MTUS2: variants seen among roughly 807,000 people sequenced by gnomAD.
The protein encoded by MTUS2 is microtubule associated scaffold protein 2.
Under a neutral mutation model 114.1 loss-of-function variants are expected in MTUS2, and 40 were observed. The observed-to-expected ratio is 0.35, with a 90% CI of 0.27 to 0.46. MTUS2 has a LOEUF of 0.46. Ranked by LOEUF, MTUS2 falls within the 20% of genes least tolerant of loss-of-function variation. The pLI is 1.00. For synonymous variants in MTUS2, 688 were observed against 672.0 expected (o/e 1.02, Z -0.37); for missense variants, 1,679 against 1,705.4 (o/e 0.98, Z 0.27).
chr13:29,485,103 G>A (rs1024282593), intron 10 of MTUS2: 2 of 152,826 alleles, frequency 1.3e-5, no homozygotes, highest in Non-Finnish European at 2.9e-5. Flanking sequence ...CTAAATGGAA[G>A]AGAAGGATGC....
intron 10 of MTUS2, among the ~76,000 whole-genome samples, chr13:29,483,707 A>G (rs1311491566): frequency 6.6e-6 from 1 of 152,178 alleles, no homozygotes; most frequent in African/African-American, 2.4e-5. Flanking sequence ...AGTGAGTTTA[A>G]AGACAAGGTA....
intron 8 of MTUS2, among the ~76,000 whole-genome samples, chr13:29,373,484 T>A (rs1871349264): frequency 6.6e-6 from 1 of 152,096 alleles, no homozygotes; most frequent in Admixed American, 6.6e-5. Context: ...CGTGGGAAAA[T>A]GACCCCTTAA....
At chr13:29,155,713 C>T (rs1168535698) in intron 5 of MTUS2, among the ~76,000 whole-genome samples, 1 of 151,974 alleles carries the variant, frequency 6.6e-6, no homozygotes, top group African/African-American at 2.4e-5. Context: ...TATATATTTT[C>T]ATTATATATA....
At chr13:29,018,455 A>G (rs368424479) in intron 2 of MTUS2, among the ~76,000 whole-genome samples, 12 of 152,008 alleles carry the variant, frequency 7.9e-5, no homozygotes, top group South Asian at 4.2e-4. Flanking sequence ...TGTAGATGCT[A>G]TCATTTCACT....
intron 8 of MTUS2, among the ~76,000 whole-genome samples, chr13:29,412,645 T>C (rs530781427): frequency 3.8e-4 from 58 of 152,192 alleles, no homozygotes; most frequent in African/African-American, 1.3e-3. Context: ...TTCCCAGAGC[T>C]TTGGGAGGCT....
At chr13:29,041,724 G>C (rs1471368717) in intron 4 of MTUS2, among the ~76,000 whole-genome samples, 1 of 152,050 alleles carries the variant, frequency 6.6e-6, no homozygotes, top group African/African-American at 2.4e-5. Flanking sequence ...TTGTTTTGCA[G>C]CTGTTGTAAA....
chr13:29,478,975 T>C (rs1381639305), intron 9 of MTUS2, among the ~76,000 whole-genome samples: 1 of 152,218 alleles, frequency 6.6e-6, no homozygotes, highest in Admixed American at 6.5e-5. Flanking sequence ...CTAATTAAAC[T>C]TTTCAGAGCC....
intron 4 of MTUS2, among the ~76,000 whole-genome samples, chr13:29,035,890 A>G (rs1318533878): frequency 6.6e-6 from 1 of 152,118 alleles, no homozygotes; most frequent in Non-Finnish European, 1.5e-5. Context: ...CACGACTGTA[A>G]TCCCAGCACT....
At chr13:29,188,584 C>T (rs1483541017) in intron 5 of MTUS2, among the ~76,000 whole-genome samples, 7 of 152,146 alleles carry the variant, frequency 4.6e-5, no homozygotes. Context: ...AAACTCTATC[C>T]AACATCTATA....
At chr13:29,137,541 T>G (rs73166431) in intron 5 of MTUS2, among the ~76,000 whole-genome samples, 12,168 of 151,920 alleles carry the variant, frequency 0.08, 573 homozygotes, top group Non-Finnish European at 0.1. Context: ...TTCTTCAGTC[T>G]TCTTCTTCTT....
At chr13:28,977,957 C>A (rs566137592) in intron 2 of MTUS2, among the ~76,000 whole-genome samples, 68 of 152,284 alleles carry the variant, frequency 4.5e-4, no homozygotes, top group Non-Finnish European at 5.4e-4. Context: ...TCCCGGACTA[C>A]CACAGCCCCC....
intron 9 of MTUS2, among the ~76,000 whole-genome samples, chr13:29,450,318 C>A (rs1042301316): frequency 6.6e-6 from 1 of 152,050 alleles, no homozygotes; most frequent in Non-Finnish European, 1.5e-5. Context: ...GTGACTAGCA[C>A]CCTATGTCAT....
intron 8 of MTUS2, among the ~76,000 whole-genome samples, chr13:29,375,526 TATATATATATACGTG>T (rs1566162942): frequency 0.017 from 350 of 20,002 alleles, 26 homozygotes; most frequent in East Asian, 0.047. Flanking sequence ...TATATATATA[TATATATATATACGTG>T]TATATATATA....
intron 8 of MTUS2, among the ~76,000 whole-genome samples, chr13:29,362,368 T>C (rs1253821669): frequency 6.6e-6 from 1 of 152,194 alleles, no homozygotes; most frequent in Non-Finnish European, 1.5e-5. Context: ...CCTCAAGGAT[T>C]TTACTCTCAA....
chr13:29,332,775 C>T (rs1255225185), intron 7 of MTUS2, among the ~76,000 whole-genome samples: 5 of 151,054 alleles, frequency 3.3e-5, no homozygotes, highest in Non-Finnish European at 7.4e-5. Context: ...GCTGGGACTA[C>T]AGGCGCCCGC....
At chr13:29,196,710 T>A (rs1214966530) in intron 5 of MTUS2, among the ~76,000 whole-genome samples, 2 of 152,200 alleles carry the variant, frequency 1.3e-5, no homozygotes, top group East Asian at 3.9e-4. Flanking sequence ...AGTATTTGTT[T>A]GTTGTGTGTC....
At chr13:29,173,477 C>A (rs1020786023) in intron 5 of MTUS2, among the ~76,000 whole-genome samples, 1 of 152,156 alleles carries the variant, frequency 6.6e-6, no homozygotes, top group Non-Finnish European at 1.5e-5. Flanking sequence ...TCAATTTATG[C>A]ATTTCCTTAT....
intron 8 of MTUS2, among the ~76,000 whole-genome samples, chr13:29,437,143 G>A (rs1025431374): frequency 4.6e-5 from 7 of 152,168 alleles, no homozygotes; most frequent in African/African-American, 1.7e-4. Context: ...GCCATGACAG[G>A]GAGCTGGGGG....
At chr13:29,069,408 C>T (rs929525252) in intron 4 of MTUS2, among the ~76,000 whole-genome samples, 9 of 152,170 alleles carry the variant, frequency 5.9e-5, no homozygotes, top group African/African-American at 9.7e-5. Flanking sequence ...ATGTAACCTT[C>T]GTCTACCTTT....
Sources: gnomAD v4.1 joint callset for allele counts (sites outside exome capture counted in the v4.1 genomes callset) on GRCh38, gnomAD v4.1.1 for gene constraint, MANE v1.5 for transcripts, NCBI Gene and HGNC (gene_info 2026-07-23, HGNC 2026-07-21) for gene names.